The following ZNF804B variants were observed in gnomAD, a reference collection of about 807,000 sequenced individuals.
ZNF804B encodes the protein zinc finger 804B.
Under a neutral mutation model 101.4 loss-of-function variants are expected in ZNF804B, and 80 were observed. The ratio of observed to expected loss-of-function variants is 0.79; its 90% CI spans 0.66 to 0.95. The LOEUF (loss-of-function observed/expected upper bound fraction) is 0.95. Among genes scored for constraint, ZNF804B ranks in the 40% least tolerant of loss-of-function variants. The pLI is 0.00. For missense variants in ZNF804B, 1,673 were observed against 1,561.9 expected (o/e 1.07, Z -1.20); for synonymous variants, 622 against 558.8 (o/e 1.11, Z -1.59).
intron 1 of ZNF804B, among the ~76,000 whole-genome samples, chr7:88,973,639 T>A (rs1351128933): frequency 6.6e-6 from 1 of 151,362 alleles, no homozygotes; most frequent in East Asian, 1.9e-4. Context: ...TGAATTATTT[T>A]TGTACACACT....
In ZNF804B at chr7:89,337,142, C is replaced by T. The variant is rs1524127; in HGVS notation, c.*110C>T. ...AAGATTTAAAATATTGCTGCCAATTCAAAATGTGACAAATATATAAATATG... is the reference window on the plus strand; with the variant it reads ...AAGATTTAAAATATTGCTGCCAATTTAAAATGTGACAAATATATAAATATG... On this transcript the variant is annotated 3_prime_UTR_variant, in exon 4 of 4. Coordinates refer to ENST00000333190, the MANE Select transcript of ZNF804B (RefSeq NM_181646.5). 48,624 of 1,054,942 alleles carry T rather than the reference C, an allele frequency of 0.046. 8,695 individuals are homozygous for T. The East Asian group carries it at 0.58, about 13-fold the overall frequency. The allele number at this position is 1,054,942 out of a possible 1,614,324, so 65.3% of individuals were successfully genotyped here.
chr7:89,279,827 T>C (rs1039310331), intron 2 of ZNF804B, among the ~76,000 whole-genome samples: 2 of 151,902 alleles, frequency 1.3e-5, no homozygotes, highest in Non-Finnish European at 2.9e-5. Flanking sequence ...TTTGGTTGTG[T>C]CTCTGCCAGG....
intron 1 of ZNF804B, among the ~76,000 whole-genome samples, chr7:89,088,291 A>C (rs148643581): frequency 0.015 from 2,316 of 152,162 alleles, 55 homozygotes; most frequent in African/African-American, 0.052. Flanking sequence ...GGGAAATGAC[A>C]TGTAAATAAA....
rs1792395341 is a variant in ZNF804B at position 88,901,761 on chromosome 7, T to C, written c.108+141677T>C. On this transcript the variant is annotated intron_variant, in intron 1 of 3. Coordinates refer to ENST00000333190, the MANE Select transcript of ZNF804B (RefSeq NM_181646.5). ...TTGAATAAATTGGCCTCACGATACA[T>C]AGTTAAGCTGAAAAGATTTAGAATT... Among the ~76,000 whole-genome samples, 3 of 151,896 alleles carry C rather than the reference T, an allele frequency of 2.0e-5. 1 individual carries two copies. In the South Asian group the frequency reaches 6.2e-4, roughly 31 times the overall value.
chr7:89,211,670 T>C (rs1426093706), intron 1 of ZNF804B, among the ~76,000 whole-genome samples: 1 of 152,164 alleles, frequency 6.6e-6, no homozygotes, highest in Non-Finnish European at 1.5e-5. Context: ...GTGGTCTTAT[T>C]TCTGAGTTCT....
intron 1 of ZNF804B, among the ~76,000 whole-genome samples, chr7:88,951,907 T>A (rs1397463165): frequency 6.6e-6 from 1 of 151,902 alleles, no homozygotes; most frequent in Admixed American, 6.6e-5. Context: ...AAAAAATTGA[T>A]TTCATATCCA....
intron 2 of ZNF804B, among the ~76,000 whole-genome samples, chr7:89,228,542 C>T (rs528880978): frequency 6.6e-5 from 10 of 152,242 alleles, no homozygotes; most frequent in African/African-American, 7.2e-5. Context: ...TACAGAGTGT[C>T]GATTGGTGCA....
chr7:89,068,319 CTGA>C (rs1234731024), intron 1 of ZNF804B, among the ~76,000 whole-genome samples: 2 of 151,676 alleles, frequency 1.3e-5, no homozygotes, highest in East Asian at 3.9e-4. Flanking sequence ...TTACTGAAGC[CTGA>C]TATCATTTTT....
At chr7:89,191,629 CTG>C (rs2115615048) in intron 1 of ZNF804B, among the ~76,000 whole-genome samples, 2 of 152,236 alleles carry the variant, frequency 1.3e-5, no homozygotes, top group South Asian at 4.1e-4. Flanking sequence ...TTTAATCTCT[CTG>C]TAATGAATCA....
At chr7:89,071,127 T>A (rs1373725687) in intron 1 of ZNF804B, among the ~76,000 whole-genome samples, 2 of 152,128 alleles carry the variant, frequency 1.3e-5, no homozygotes, top group Non-Finnish European at 2.9e-5. Context: ...TTATACTGTG[T>A]TGTTTCAGGA....
chr7:88,886,780 A>G (rs547205762), intron 1 of ZNF804B, among the ~76,000 whole-genome samples: 2 of 152,010 alleles, frequency 1.3e-5, no homozygotes, highest in South Asian at 4.2e-4. Flanking sequence ...TTTCTGAAAG[A>G]TGCAGAAAGG....
intron 1 of ZNF804B, among the ~76,000 whole-genome samples, chr7:89,102,092 G>T (rs1022858483): frequency 2.0e-5 from 3 of 151,950 alleles, no homozygotes; most frequent in Non-Finnish European, 4.4e-5. Context: ...GGGGACACAG[G>T]TTGATTCCAT....
intron 1 of ZNF804B, among the ~76,000 whole-genome samples, chr7:89,168,503 G>A (rs1334486592): frequency 2.0e-5 from 3 of 151,976 alleles, no homozygotes. Flanking sequence ...TTCTTGCTGT[G>A]TGCCTCAAAA....
intron 2 of ZNF804B, among the ~76,000 whole-genome samples, chr7:89,305,444 G>C (rs2115931209): frequency 6.6e-6 from 1 of 152,118 alleles, no homozygotes; most frequent in South Asian, 2.1e-4. Flanking sequence ...AAGTAGAAAA[G>C]AGGCTGGTGT....
At chr7:89,283,006 G>T (rs560783872) in intron 2 of ZNF804B, among the ~76,000 whole-genome samples, 42 of 152,106 alleles carry the variant, frequency 2.8e-4, no homozygotes, top group African/African-American at 9.9e-4. Context: ...ATCAGCCATA[G>T]GAAATTAATA....
intron 2 of ZNF804B, among the ~76,000 whole-genome samples, chr7:89,235,124 C>T (rs1280565080): frequency 6.6e-6 from 1 of 151,990 alleles, no homozygotes; most frequent in Admixed American, 6.5e-5. Flanking sequence ...TTTTTATTCT[C>T]TATGAGAGCA....
intron 1 of ZNF804B, among the ~76,000 whole-genome samples, chr7:88,773,285 G>T (rs1790095605): frequency 6.6e-6 from 1 of 152,174 alleles, no homozygotes; most frequent in South Asian, 2.1e-4. Flanking sequence ...ACTTTAAAGA[G>T]TAAAGCAGGA....
intron 1 of ZNF804B, among the ~76,000 whole-genome samples, chr7:88,785,731 C>A (rs779000426): frequency 1.3e-5 from 2 of 152,058 alleles, no homozygotes; most frequent in Non-Finnish European, 2.9e-5. Context: ...CTTCTTCTTG[C>A]CTTCAGATTT....
intron 1 of ZNF804B, among the ~76,000 whole-genome samples, chr7:88,879,011 T>C (rs1198977211): frequency 6.6e-6 from 1 of 152,132 alleles, no homozygotes; most frequent in Non-Finnish European, 1.5e-5. Context: ...CAGGCAATAT[T>C]AGGTTCACGA....
Sources: gnomAD v4.1 joint callset for allele counts (sites outside exome capture counted in the v4.1 genomes callset) on GRCh38, gnomAD v4.1.1 for gene constraint, MANE v1.5 for transcripts, NCBI Gene and HGNC (gene_info 2026-07-23, HGNC 2026-07-21) for gene names.